Variants in RIMS1 observed in about 807,000 individuals in gnomAD.
RIMS1 encodes the protein regulating synaptic membrane exocytosis 1.
RIMS1 carries 83 observed loss-of-function variants against 214.1 expected under a neutral mutation model. The observed-to-expected ratio is 0.39, with a 90% CI of 0.32 to 0.47. RIMS1 has a LOEUF of 0.47. Among genes scored for constraint, RIMS1 ranks in the 20% least tolerant of loss-of-function variants. The pLI is 0.99. For missense variants in RIMS1, 2,050 were observed against 2,161.8 expected, an observed-to-expected ratio of 0.95 and a Z score of 1.03; for synonymous variants, 793 against 786.8, an observed-to-expected ratio of 1.01 and a Z score of -0.13.
intron 1 of RIMS1, among the ~76,000 whole-genome samples, chr6:71,924,363 C>T (rs1158103866): frequency 2.6e-5 from 4 of 151,932 alleles, no homozygotes; most frequent in Non-Finnish European, 5.9e-5. Flanking sequence ...TCTGCAGGGA[C>T]TTACCCTCAG....
intron 29 of RIMS1, among the ~76,000 whole-genome samples, chr6:72,348,319 A>G (rs776200380): frequency 2.0e-5 from 3 of 151,922 alleles, no homozygotes; most frequent in Non-Finnish European, 4.4e-5. Flanking sequence ...AAACCTGCAT[A>G]TGCGGAGGGA....
chr6:72,065,075 A>T lies in RIMS1; in HGVS notation c.246-31874A>T, dbSNP rs77043113. Among the ~76,000 whole-genome samples the T allele has an allele frequency of 2.6e-3, 402 of 152,312 alleles. 1 individual carries two copies. The highest frequency in any genetic ancestry group is 9.5e-3 in the African/African-American group (393 of 41,558). ...TGTTAATCTAAATTATGGTGATATG[A>T]TTAGTTATTAATTATCTGTGATTAG... On this transcript the variant is annotated intron_variant, in intron 2 of 33. Coordinates refer to ENST00000521978, the MANE Select transcript of RIMS1 (RefSeq NM_014989.7).
intron 1 of RIMS1, among the ~76,000 whole-genome samples, chr6:71,954,856 A>C (rs571786436): frequency 4.4e-4 from 62 of 140,944 alleles, no homozygotes; most frequent in Non-Finnish European, 4.9e-4. Flanking sequence ...GCACACACAC[A>C]CACACACACA....
chr6:72,039,811 A>G (rs1178498710), intron 2 of RIMS1, among the ~76,000 whole-genome samples: 1 of 152,092 alleles, frequency 6.6e-6, no homozygotes, highest in African/African-American at 2.4e-5. Context: ...TATCAGAGAC[A>G]CTTATCTAAT....
chr6:72,278,187 C>T (rs2087763913), intron 23 of RIMS1, among the ~76,000 whole-genome samples: 1 of 151,716 alleles, frequency 6.6e-6, no homozygotes. Flanking sequence ...ATCTATCTAT[C>T]TATCTATCTA....
Position 72,159,108 on chromosome 6 carries a change from T to C in RIMS1, c.472-20467T>C, listed in dbSNP as rs141100104. Among the ~76,000 whole-genome samples the C allele has an allele frequency of 7.3e-3, 1,034 of 141,236 alleles. 71 individuals carry two copies. Among genetic ancestry groups the C allele is most frequent in the African/African-American group, 0.023 (922 of 40,786 alleles). 92.7% of individuals were successfully genotyped at this position (141,236 alleles called of 152,430 possible). ...CGCAATTCTAACTGGTGTGAGATGG[T>C]ATCTGACTGTGGTTTTGATTTGCAT... On this transcript the variant is annotated intron_variant, in intron 4 of 33. Coordinates refer to ENST00000521978, the MANE Select transcript of RIMS1 (RefSeq NM_014989.7).
intron 6 of RIMS1, among the ~76,000 whole-genome samples, chr6:72,226,078 A>C (rs191773135): frequency 1.1e-3 from 170 of 152,246 alleles, no homozygotes; most frequent in African/African-American, 3.6e-3. Context: ...GATTTCTTGA[A>C]GACCATGACC....
At chr6:71,892,640 A>G (rs1314130514) in intron 1 of RIMS1, among the ~76,000 whole-genome samples, 1 of 151,894 alleles carries the variant, frequency 6.6e-6, no homozygotes, top group Non-Finnish European at 1.5e-5. Context: ...ATTCCACCTA[A>G]CCATGAGTTA....
intron 24 of RIMS1, among the ~76,000 whole-genome samples, chr6:72,286,207 A>G (rs947119537): frequency 3.9e-5 from 6 of 152,290 alleles, no homozygotes; most frequent in African/African-American, 1.4e-4. Flanking sequence ...CAAAAAAAAA[A>G]AAAAATTGCT....
intron 2 of RIMS1, among the ~76,000 whole-genome samples, chr6:72,007,692 G>A (rs1358358197): frequency 1.3e-5 from 2 of 152,210 alleles, no homozygotes; most frequent in African/African-American, 4.8e-5. Flanking sequence ...AGCTTCAGTA[G>A]CTGATTTGAT....
At chr6:71,888,914 G>T (rs1768706145) in intron 1 of RIMS1, among the ~76,000 whole-genome samples, 1 of 152,196 alleles carries the variant, frequency 6.6e-6, no homozygotes. Flanking sequence ...CCCTGGTGCT[G>T]CAGGCTTCCC....
intron 1 of RIMS1, among the ~76,000 whole-genome samples, chr6:71,926,314 A>T (rs1781551413): frequency 6.6e-6 from 1 of 152,214 alleles, no homozygotes; most frequent in South Asian, 2.1e-4. Flanking sequence ...TGCCCAATTA[A>T]TTCAGTAACT....
intron 4 of RIMS1, among the ~76,000 whole-genome samples, chr6:72,163,925 C>G (rs1308941911): frequency 2.0e-5 from 3 of 152,176 alleles, no homozygotes; most frequent in African/African-American, 7.2e-5. Context: ...AGCTGTCAGA[C>G]AGGGACATTT....
rs2048174882 is a variant in RIMS1 at position 72,179,692 on chromosome 6, G to C, written c.589G>C (p.Ala197Pro). Reference protein sequence around the residue: ...TSQDGTLSDTATGAGSEVPRE... With the variant: ...TSQDGTLSDTPTGAGSEVPRE... ...TCAGGATGGAACCCTGAGTGATACA[G>C]CTACAGGTGCTGGCTCTGAGGTACC... Residue 197 changes from alanine (A) to proline (P), a missense_variant, in exon 5 of 34, where the codon GCT becomes CCT. Ala to Pro is a conservative substitution (Grantham distance 27). Coordinates refer to ENST00000521978, the MANE Select transcript of RIMS1 (RefSeq NM_014989.7). The C allele has an allele frequency of 2.5e-6, 4 of 1,613,924 alleles. No homozygotes were observed. The highest frequency in any genetic ancestry group is 3.4e-6 in the Non-Finnish European group (4 of 1,179,894).
intron 6 of RIMS1, among the ~76,000 whole-genome samples, chr6:72,191,324 T>C (rs896840829): frequency 2.0e-5 from 3 of 152,240 alleles, no homozygotes; most frequent in Admixed American, 1.3e-4. Flanking sequence ...AGAGGGAATA[T>C]CTTGACAAGC....
chr6:72,120,664 C>T (rs2449426), intron 4 of RIMS1, among the ~76,000 whole-genome samples: 15,527 of 151,686 alleles, frequency 0.1, 1,032 homozygotes, highest in South Asian at 0.16. Context: ...TAATTAGATC[C>T]CATTTGTCTA....
intron 1 of RIMS1, among the ~76,000 whole-genome samples, chr6:71,912,988 G>T (rs896883746): frequency 1.3e-4 from 20 of 152,170 alleles, no homozygotes; most frequent in Admixed American, 3.3e-4. Flanking sequence ...CCTTTGTTCT[G>T]AAAACAATTG....
intron 22 of RIMS1, 78 bp downstream of exon 22, chr6:72,266,127 C>A: frequency 1.0e-6 from 1 of 1,002,140 alleles, no homozygotes; most frequent in Non-Finnish European, 1.5e-6. Context: ...TGTTTCATGA[C>A]AGCCTTACAG....
At chr6:71,892,402 T>G (rs1770190493) in intron 1 of RIMS1, among the ~76,000 whole-genome samples, 2 of 152,158 alleles carry the variant, frequency 1.3e-5, no homozygotes, top group Non-Finnish European at 1.5e-5. Flanking sequence ...CCTTTGCTCA[T>G]GACATTTGAT....
Sources: allele counts gnomAD v4.1 joint callset (sites outside exome capture counted in the v4.1 genomes callset), GRCh38; gene constraint gnomAD v4.1.1; transcripts MANE v1.5; gene names NCBI Gene and HGNC (gene_info 2026-07-23, HGNC 2026-07-21).